The following SCHIP1 variants were observed in gnomAD, a reference collection of about 807,000 sequenced individuals.
SCHIP1 encodes the protein schwannomin interacting protein 1, also known as schwannomin-interacting protein 1.
SCHIP1 carries 8 observed loss-of-function variants against 29.7 expected under a neutral mutation model. The ratio of observed to expected loss-of-function variants is 0.27; its 90% CI spans 0.16 to 0.49. The LOEUF (loss-of-function observed/expected upper bound fraction) is 0.49, where lower values mean the gene tolerates loss of function less well. Ranked by LOEUF, SCHIP1 falls within the 20% of genes least tolerant of loss-of-function variation. The pLI is 0.99. For synonymous variants in SCHIP1, 76 were observed against 94.9 expected (o/e 0.80, Z 1.16); for missense variants, 193 against 294.6 (o/e 0.66, Z 2.52).
exon 7 of SCHIP1, chr3:159,896,842 G>A: frequency 1.3e-6 from 2 of 1,492,330 alleles, no homozygotes; most frequent in South Asian, 1.3e-5. Flanking sequence ...AAATGCTGTT[G>A]CTAAAGGTGG....
At chr3:159,432,295 TGTGTGTG>T in the SCHIP1 span, among the ~76,000 whole-genome samples, 1 of 38,862 alleles carries the variant, frequency 2.6e-5, no homozygotes. Flanking sequence ...GATGTGTGTG[TGTGTGTG>T]TGTGTGTGTG....
the SCHIP1 span, among the ~76,000 whole-genome samples, chr3:159,629,451 T>C: frequency 3.9e-5 from 6 of 152,214 alleles, no homozygotes; most frequent in Non-Finnish European, 8.8e-5. Flanking sequence ...ATTAACACTT[T>C]ATTCCTACCA....
chr3:159,613,956 A>G, the SCHIP1 span, among the ~76,000 whole-genome samples: 1 of 152,216 alleles, frequency 6.6e-6, no homozygotes, highest in Non-Finnish European at 1.5e-5. Context: ...AATAACAATA[A>G]TGTATATTAA....
At chr3:159,541,460 C>T in the SCHIP1 span, among the ~76,000 whole-genome samples, 1 of 151,950 alleles carries the variant, frequency 6.6e-6, no homozygotes, top group Non-Finnish European at 1.5e-5. Flanking sequence ...ATTAATTTAC[C>T]TCCCAGAGAG....
chr3:159,798,791 C>CA, the SCHIP1 span, among the ~76,000 whole-genome samples: 11 of 151,290 alleles, frequency 7.3e-5, no homozygotes, highest in South Asian at 2.1e-4. Flanking sequence ...CAACAACAAC[C>CA]AAAAAAAACA....
At chr3:159,828,376 C>CATATATATAT in the SCHIP1 span, among the ~76,000 whole-genome samples, 1 of 75,710 alleles carries the variant, frequency 1.3e-5, no homozygotes, top group African/African-American at 6.5e-5. Context: ...TATATATATA[C>CATATATATAT]ATATATATAT....
At chr3:159,765,155 G>A in the SCHIP1 span, 2,672 of 1,544,102 alleles carry the variant, frequency 1.7e-3, 4 homozygotes, top group Non-Finnish European at 2.1e-3. Flanking sequence ...TGGCCGGGGT[G>A]CGTGCCCACG....
At chr3:159,665,489 G>A in the SCHIP1 span, among the ~76,000 whole-genome samples, 1 of 151,974 alleles carries the variant, frequency 6.6e-6, no homozygotes, top group Non-Finnish European at 1.5e-5. Context: ...TTTCACACGG[G>A]TCAAACACAC....
the SCHIP1 span, among the ~76,000 whole-genome samples, chr3:159,545,944 A>G: frequency 6.6e-6 from 1 of 151,738 alleles, no homozygotes; most frequent in African/African-American, 2.4e-5. Flanking sequence ...CATTTTTTCA[A>G]AAATATTTTG....
the SCHIP1 span, among the ~76,000 whole-genome samples, chr3:159,385,196 T>C: frequency 4.6e-5 from 7 of 152,204 alleles, no homozygotes; most frequent in Non-Finnish European, 5.9e-5. Flanking sequence ...TAAATTGCTC[T>C]CTCTGCCTAA....
At chr3:159,285,357 A>G in the SCHIP1 span, among the ~76,000 whole-genome samples, 2 of 152,116 alleles carry the variant, frequency 1.3e-5, no homozygotes, top group African/African-American at 2.4e-5. Context: ...CTATTTGCTA[A>G]TAGATAACAG....
chr3:159,685,921 A>G, the SCHIP1 span, among the ~76,000 whole-genome samples: 1 of 152,234 alleles, frequency 6.6e-6, no homozygotes, highest in African/African-American at 2.4e-5. Flanking sequence ...CAAAACCAAG[A>G]ATAAATGAGA....
the SCHIP1 span, among the ~76,000 whole-genome samples, chr3:159,667,251 G>A: frequency 6.6e-6 from 1 of 152,194 alleles, no homozygotes; most frequent in African/African-American, 2.4e-5. Context: ...CCAGAGTGAG[G>A]AGCCTTTTGG....
the SCHIP1 span, among the ~76,000 whole-genome samples, chr3:159,602,708 C>CAA: frequency 7.3e-6 from 1 of 137,316 alleles, no homozygotes; most frequent in Non-Finnish European, 1.6e-5. Context: ...GAATCCATCT[C>CAA]AAAAAAAAAA....
chr3:159,405,630 GCA>G, the SCHIP1 span, among the ~76,000 whole-genome samples: 1 of 152,230 alleles, frequency 6.6e-6, no homozygotes, highest in East Asian at 1.9e-4. Context: ...TGTAATCCCA[GCA>G]CTTTGGGAGG....
chr3:159,731,356 T>G, the SCHIP1 span, among the ~76,000 whole-genome samples: 2 of 152,228 alleles, frequency 1.3e-5, no homozygotes, highest in African/African-American at 4.8e-5. Context: ...TTGCTCTTGC[T>G]AAAGCACATC....
At chr3:159,731,912 A>T in the SCHIP1 span, among the ~76,000 whole-genome samples, 1 of 152,034 alleles carries the variant, frequency 6.6e-6, no homozygotes, top group Admixed American at 6.6e-5. Flanking sequence ...GCAATGGCAC[A>T]ATCTTGGCTC....
chr3:159,612,848 T>C, the SCHIP1 span, among the ~76,000 whole-genome samples: 1 of 152,378 alleles, frequency 6.6e-6, no homozygotes, highest in African/African-American at 2.4e-5. Context: ...TTTTCATCTC[T>C]TTCAGATGAA....
the SCHIP1 span, among the ~76,000 whole-genome samples, chr3:159,315,557 A>G: frequency 3.3e-5 from 5 of 151,726 alleles, no homozygotes; most frequent in South Asian, 1.0e-3. Context: ...ATTTTTATAT[A>G]TATATTCATA....
Sources: gnomAD v4.1 joint callset for allele counts (sites outside exome capture counted in the v4.1 genomes callset) on GRCh38, gnomAD v4.1.1 for gene constraint, MANE v1.5 for transcripts, NCBI Gene and HGNC (gene_info 2026-07-23, HGNC 2026-07-21) for gene names.